Variants in ATP2A3 observed in about 807,000 individuals in gnomAD.
ATP2A3 encodes the protein ATPase sarcoplasmic/endoplasmic reticulum Ca2+ transporting 3.
ATP2A3 carries 61 observed loss-of-function variants against 106.8 expected under a neutral mutation model. The observed-to-expected ratio is 0.57, with a 90% CI of 0.46 to 0.71. ATP2A3 has a LOEUF of 0.71. Among genes scored for constraint, ATP2A3 ranks in the 30% least tolerant of loss-of-function variants. The pLI is 0.00. For missense variants in ATP2A3, 1,201 were observed against 1,423.5 expected (o/e 0.84, Z 2.52); for synonymous variants, 611 against 609.3 (o/e 1.00, Z -0.04).
At chr17:3,934,051 G>C (rs1250129645) in intron 17 of ATP2A3, among the ~76,000 whole-genome samples, 1 of 151,242 alleles carries the variant, frequency 6.6e-6, no homozygotes, top group Non-Finnish European at 1.5e-5. Context: ...AGCCTCCCGA[G>C]TAGCTGGGAA....
intron 8 of ATP2A3, among the ~76,000 whole-genome samples, chr17:3,946,842 T>G (rs1314829013): frequency 2.6e-5 from 4 of 152,186 alleles, no homozygotes; most frequent in Non-Finnish European, 1.5e-5. Context: ...GGAGGAGCCT[T>G]CTGCCCCATG....
chr17:3,944,386 C>T (rs745743675), intron 10 of ATP2A3, among the ~76,000 whole-genome samples: 17 of 152,146 alleles, frequency 1.1e-4, no homozygotes, highest in Non-Finnish European at 2.1e-4. Flanking sequence ...GAACGTGGGC[C>T]TTTTGTGGGC....
At position 3,929,833 on chromosome 17, in the gene ATP2A3, C is replaced by T. The variant is rs1282485732; in HGVS notation, c.2745-388G>A. ...CCCCAGACCTTTGTTCTGGACCCCTCTAACTCCCAGACCTCAGTCCTGGAC... is the reference window on the plus strand; with the variant it reads ...CCCCAGACCTTTGTTCTGGACCCCTTTAACTCCCAGACCTCAGTCCTGGAC... On this transcript the variant is annotated intron_variant, in intron 18 of 20. Transcript: ENST00000397041. The surrounding 1 kb of genome is among the most constrained non-coding windows in gnomAD (Gnocchi z 4.3). Among the ~76,000 whole-genome samples, 1 of 151,486 alleles carries T rather than the reference C, an allele frequency of 6.6e-6. No homozygotes were observed. Among genetic ancestry groups the T allele is most frequent in the Non-Finnish European group, 1.5e-5 (1 of 67,884 alleles).
At chr17:3,948,672 G>T (rs983158300) in intron 7 of ATP2A3, among the ~76,000 whole-genome samples, 1 of 152,052 alleles carries the variant, frequency 6.6e-6, no homozygotes, top group Non-Finnish European at 1.5e-5. Flanking sequence ...TCCTGCTTTG[G>T]CCTCCCAAAG....
intron 7 of ATP2A3, among the ~76,000 whole-genome samples, chr17:3,950,163 T>TA (rs1567712088): frequency 1.1e-3 from 113 of 99,106 alleles, no homozygotes; most frequent in Non-Finnish European, 2.0e-3. Flanking sequence ...AAAAAAAATA[T>TA]TTTTTTTTTT....
intron 1 of ATP2A3, among the ~76,000 whole-genome samples, chr17:3,957,924 A>G (rs779521389): frequency 4.6e-5 from 7 of 152,190 alleles, no homozygotes; most frequent in Non-Finnish European, 1.0e-4. Flanking sequence ...GCTGGCCACT[A>G]TTCTAATCTG....
chr17:3,945,021 C>G lies in ATP2A3; in HGVS notation c.1184+39G>C, dbSNP rs754544018. ...GCGCCGCCACGCGTGGCCCCGCCCC[C>G]AGGCCGCCCGCCCGCGCGTCCCCTG... On this transcript the variant is annotated intron_variant, in intron 9 of 20. Coordinates refer to ENST00000397041, the MANE Select transcript of ATP2A3 (RefSeq NM_005173.4). 8.5e-5 allele frequency: 125 copies of G among 1,470,224 alleles called. No homozygotes were observed. The Middle Eastern group carries it at 1.6e-3, about 19-fold the overall frequency. 91.1% of individuals were successfully genotyped at this position (1,470,224 alleles called of 1,614,324 possible).
chr17:3,964,261 C>A lies in ATP2A3; in HGVS notation c.31G>T (p.Asp11Tyr). The A allele has an allele frequency of 3.9e-6, 5 of 1,282,950 alleles. No homozygotes were observed. Among genetic ancestry groups the A allele is most frequent in the Non-Finnish European group, 5.0e-6 (5 of 1,002,842 alleles). 79.5% of individuals were successfully genotyped at this position (1,282,950 alleles called of 1,614,324 possible). The change falls in exon 1 of 21, where the codon GAC becomes TAC. Residue 11 changes from aspartate to tyrosine, a missense_variant. Coordinates refer to ENST00000397041, the MANE Select transcript of ATP2A3 (RefSeq NM_005173.4). MEAAHLLPAA[D>Y]VLRHFSVTAE... The stretch of plus-strand genomic sequence containing the variant: ...GTCACCGAGAAGTGGCGCAGCACGT[C>A]GGCGGCCGGGAGCAGATGCGCCGCC...
intron 17 of ATP2A3, among the ~76,000 whole-genome samples, chr17:3,931,579 T>C (rs1375010489): frequency 6.6e-6 from 1 of 151,400 alleles, no homozygotes; most frequent in Non-Finnish European, 1.5e-5. Context: ...TGGAGTGCAG[T>C]GGCATGATCT....
At chr17:3,939,188 T>C (rs1283942679) in intron 14 of ATP2A3, among the ~76,000 whole-genome samples, 2 of 151,820 alleles carry the variant, frequency 1.3e-5, no homozygotes, top group Non-Finnish European at 2.9e-5. Flanking sequence ...AAGAATTAGA[T>C]TAAGATGAGG....
At position 3,928,941 on chromosome 17, in the gene ATP2A3, C is replaced by A. The variant is rs2052879384; in HGVS notation, c.2863-161G>T. On this transcript the variant is annotated intron_variant, in intron 19 of 20. Transcript: ENST00000397041. This position sits in a 1 kb window ranked among gnomAD's most constrained non-coding sequence, Gnocchi z 6.1. ...CGATCTTTGTCCACTCAGCTGCACC[C>A]CCCGATCTTTGTCTGTTCAGCTGCA... 6.8e-6 allele frequency among the ~76,000 whole-genome samples: 1 copy of A among 147,386 alleles called. No homozygotes were observed. Among genetic ancestry groups the A allele is most frequent in the Non-Finnish European group, 1.5e-5 (1 of 67,612 alleles).
In ATP2A3 at chr17:3,964,397, G is replaced by A; in HGVS notation, c.-106C>T. 1.8e-6 allele frequency: 1 copy of A among 540,980 alleles called. No homozygotes were observed. The highest frequency in any genetic ancestry group is 2.4e-6 in the Non-Finnish European group (1 of 408,698). 33.5% of individuals were successfully genotyped at this position (540,980 alleles called of 1,614,324 possible). ...ACTCGGGCCCGGGCGGGCGCCGCGC[G>A]AGGCCATGTCCGTGCTGGGACCTTA... On this transcript the variant is annotated 5_prime_UTR_variant, in exon 1 of 21. Coordinates refer to ENST00000397041, the MANE Select transcript of ATP2A3 (RefSeq NM_005173.4).
intron 10 of ATP2A3, 70 bp downstream of exon 10, chr17:3,944,634 T>C: frequency 1.3e-6 from 2 of 1,528,118 alleles, no homozygotes; most frequent in Non-Finnish European, 1.8e-6. Context: ...CTGGGAGCTT[T>C]GAGGCTGGGA....
intron 1 of ATP2A3, among the ~76,000 whole-genome samples, chr17:3,954,261 G>A (rs1485947351): frequency 6.6e-6 from 1 of 152,052 alleles, no homozygotes; most frequent in Non-Finnish European, 1.5e-5. Flanking sequence ...AAGGTCTGCA[G>A]CTGGGCCGGC....
At chr17:3,954,497 ATTTT>A (rs3048772) in intron 1 of ATP2A3, among the ~76,000 whole-genome samples, 3 of 129,766 alleles carry the variant, frequency 2.3e-5, no homozygotes, top group Non-Finnish European at 3.2e-5. Flanking sequence ...TGAGGTGCTG[ATTTT>A]TTTTTTTTTT....
chr17:3,941,599 G>A lies in ATP2A3; in HGVS notation c.1601C>T (p.Thr534Ile), dbSNP rs771380659. The change falls in exon 13 of 21, where the codon ACA becomes ATA. Residue 534 changes from threonine to isoleucine, a missense_variant. Coordinates refer to ENST00000397041, the MANE Select transcript of ATP2A3 (RefSeq NM_005173.4). ...CCTGGAGGTGGGGGTCAGGGGTGCT[G>A]TGCGGCTCCCCACGCGGACTGAGCT... is the stretch of plus-strand genomic sequence containing the variant. The part of the protein sequence containing the change: ...RCSSVRVGSR[T>I]APLTPTSREQ... 3.7e-6 allele frequency: 6 copies of A among 1,612,486 alleles called. No homozygotes were observed. The highest frequency in any genetic ancestry group is 4.2e-6 in the Non-Finnish European group (5 of 1,180,012).
Position 3,951,320 on chromosome 17 carries a change from A to G in ATP2A3, c.394T>C (p.Ser132Pro), listed in dbSNP as rs1284139286. ...YEPEMGKVIR[S>P]DRKGVQRIRA... The stretch of plus-strand genomic sequence containing the variant: ...ATCCTCTGCACGCCCTTGCGGTCCG[A>G]GCGGATCACCTTGCCCATCTCAGGC... The change falls in exon 5 of 21, where the codon TCG becomes CCG. Residue 132 changes from serine to proline, a missense_variant. Ser to Pro is a moderately conservative substitution (Grantham distance 74). Coordinates refer to ENST00000397041, the MANE Select transcript of ATP2A3 (RefSeq NM_005173.4). The G allele has an allele frequency of 6.2e-6, 10 of 1,613,870 alleles. No homozygotes were observed. The East Asian group carries it at 1.8e-4, about 29-fold the overall frequency.
Position 3,941,462 on chromosome 17 carries a change from C to A in ATP2A3, c.1738G>T (p.Asp580Tyr). 6.2e-7 allele frequency: 1 copy of A among 1,613,882 alleles called. No homozygotes were observed. The highest frequency in any genetic ancestry group is 8.5e-7 in the Non-Finnish European group (1 of 1,179,870). Residue 580 changes from aspartate (D) to tyrosine (Y), a missense_variant, in exon 13 of 21, where the codon GAC becomes TAC. Physicochemically the swap from Asp to Tyr is radical, Grantham distance 160. This residue lies in a region of ATP2A3 where 935 missense variants were observed against 1,176.7 expected (regional missense o/e 0.79). Transcript: ENST00000397041. ...PPRKEDMELD[D>Y]CSKFVQYETD... ...TCGTACTGCACAAACTTGCTGCAGT[C>A]GTCCAGCTCCATGTCCTCCTTCCTT...
intron 17 of ATP2A3, among the ~76,000 whole-genome samples, chr17:3,931,919 C>T (rs552244267): frequency 5.3e-5 from 8 of 152,172 alleles, no homozygotes; most frequent in Admixed American, 2.6e-4. Context: ...TACTGTCTGT[C>T]GCATAAATAC....
Sources: gnomAD v4.1 joint callset for allele counts (sites outside exome capture counted in the v4.1 genomes callset) on GRCh38, gnomAD v4.1.1 for gene constraint, gnomAD v4.1.1 regional missense constraint, Gnocchi (gnomAD v3.1) non-coding constraint, MANE v1.5 for transcripts, NCBI Gene and HGNC (gene_info 2026-07-23, HGNC 2026-07-21) for gene names.